ZC3HC1: variants seen among roughly 807,000 people sequenced by gnomAD.
The protein encoded by ZC3HC1 is zinc finger C3HC-type protein 1.
A neutral mutation model predicts 61.9 loss-of-function variants in ZC3HC1; 38 were observed. The ratio of observed to expected loss-of-function variants is 0.61; its 90% CI spans 0.47 to 0.81. The LOEUF (loss-of-function observed/expected upper bound fraction) is 0.81. Ranked by LOEUF, ZC3HC1 falls within the 30% of genes least tolerant of loss-of-function variation. ZC3HC1 has a pLI of 0.00. For missense variants in ZC3HC1, 554 were observed against 622.7 expected (o/e 0.89, Z 1.17); for synonymous variants, 213 against 229.9 (o/e 0.93, Z 0.67).
At chr7:130,027,645 G>A (rs1415983212) in intron 5 of ZC3HC1, among the ~76,000 whole-genome samples, 1 of 152,020 alleles carries the variant, frequency 6.6e-6, no homozygotes, top group Admixed American at 6.6e-5. Flanking sequence ...AGCCTCCCAG[G>A]TAGCTGGGAC....
chr7:130,050,529 G>A, intron 1 of ZC3HC1: 6 of 1,427,538 alleles, frequency 4.2e-6, no homozygotes, highest in Non-Finnish European at 2.7e-6. Context: ...AACTTGGATG[G>A]GTAAAAATGA....
chr7:130,036,076 C>T (rs1794418795), intron 4 of ZC3HC1, among the ~76,000 whole-genome samples: 1 of 151,366 alleles, frequency 6.6e-6, no homozygotes, highest in Non-Finnish European at 1.5e-5. Context: ...AATAGATAAA[C>T]ATTCTAGCTT....
chr7:130,039,678 TA>T (rs1415876459), intron 3 of ZC3HC1, 131 bp from the exon 4 acceptor site: 2 of 614,094 alleles, frequency 3.3e-6, no homozygotes, highest in African/African-American at 3.7e-5. Flanking sequence ...ATCAAGTACA[TA>T]ATCTTAATAT....
rs780801066 is a variant in ZC3HC1 at position 130,018,702 on chromosome 7, G to A, written c.1471C>T (p.Arg491Ter). 11 of 1,612,006 alleles carry A rather than the reference G, an allele frequency of 6.8e-6. No homozygotes were observed. The highest frequency in any genetic ancestry group is 2.2e-5 in the South Asian group (2 of 90,902). Residue 491 changes from arginine to a stop codon, truncating the protein, a stop_gained, in exon 10 of 10, where the codon CGA (arginine) becomes TGA (stop). Transcript: ENST00000358303. LOFTEE classifies it high-confidence loss of function. ...SLSEKSRKVF[R>*]IFRQWESLCS... is the part of the protein sequence containing the mutation. ...AGAGATTCCCACTGCCGAAATATTC[G>A]GAATACTTTCCTTGATTTCTCAGAG...
chr7:130,022,159 G>A (rs1394921157), intron 9 of ZC3HC1, among the ~76,000 whole-genome samples, 160 bp downstream of exon 9: 6 of 152,102 alleles, frequency 3.9e-5, no homozygotes, highest in African/African-American at 1.4e-4. Context: ...CAACAAGAAC[G>A]AGACTCCATC....
intron 4 of ZC3HC1, among the ~76,000 whole-genome samples, chr7:130,038,743 C>A (rs1418716162): frequency 6.6e-6 from 1 of 151,434 alleles, no homozygotes; most frequent in African/African-American, 2.4e-5. Flanking sequence ...ACCTGTAATC[C>A]CAGCTACTCG....
chr7:130,032,668 T>TGGAAGCAA (rs1794250410), intron 4 of ZC3HC1, among the ~76,000 whole-genome samples: 1 of 58,008 alleles, frequency 1.7e-5, no homozygotes, highest in Admixed American at 2.5e-4. Context: ...ATAGAAGAAA[T>TGGAAGCAA]GGAAGGAAGG....
chr7:130,035,774 G>A lies in ZC3HC1; in HGVS notation c.493+3690C>T, dbSNP rs142393485. ...TGGAATCACAGGTGTGAGCCATCACGCCTCGCCACTTTGCCTTTTTTCTTG... is the reference window on the plus strand; with the variant it reads ...TGGAATCACAGGTGTGAGCCATCACACCTCGCCACTTTGCCTTTTTTCTTG... On this transcript the variant is annotated intron_variant, in intron 4 of 9. Coordinates refer to ENST00000358303, the MANE Select transcript of ZC3HC1 (RefSeq NM_016478.5). 5.0e-3 allele frequency among the ~76,000 whole-genome samples: 765 copies of A among 152,242 alleles called. 3 individuals carry two copies. Among genetic ancestry groups the A allele is most frequent in the Non-Finnish European group, 7.0e-3 (478 of 68,022 alleles).
At chr7:130,024,213 T>C in intron 7 of ZC3HC1, 50 bp downstream of exon 7, 2 of 1,538,052 alleles carry the variant, frequency 1.3e-6, no homozygotes, top group East Asian at 2.3e-5. Flanking sequence ...AACAACACTT[T>C]TGCCAAGAAT....
intron 9 of ZC3HC1, among the ~76,000 whole-genome samples, chr7:130,019,574 T>C (rs1236384843): frequency 6.6e-6 from 1 of 152,150 alleles, no homozygotes; most frequent in African/African-American, 2.4e-5. Context: ...CGCAGTGCCA[T>C]CTGATCATGC....
At chr7:130,049,198 A>G in intron 1 of ZC3HC1, 54 bp from the exon 2 acceptor site, 2 of 1,322,928 alleles carry the variant, frequency 1.5e-6, no homozygotes, top group South Asian at 1.5e-5. Context: ...CCTCTGCTTA[A>G]ATGTTATCTA....
chr7:130,034,573 T>C (rs1794357178), intron 4 of ZC3HC1, among the ~76,000 whole-genome samples: 1 of 149,702 alleles, frequency 6.7e-6, no homozygotes, highest in African/African-American at 2.5e-5. Flanking sequence ...TAGCTCACTA[T>C]AACTTGGAAT....
At chr7:130,050,343 G>A (rs1795028999) in intron 1 of ZC3HC1, 4 of 1,334,194 alleles carry the variant, frequency 3.0e-6, no homozygotes, top group East Asian at 2.6e-5. Context: ...TCCTCAAAGT[G>A]CTGGGATTAT....
At chr7:130,024,227 G>T (rs1443407604) in intron 7 of ZC3HC1, 36 bp downstream of exon 7, 1 of 1,548,080 alleles carries the variant, frequency 6.5e-7, no homozygotes, top group Non-Finnish European at 8.7e-7. Context: ...CAAGAATGTT[G>T]TTTAAAATTC....
chr7:130,039,280 G>A (rs904672929), intron 4 of ZC3HC1, 184 bp downstream of exon 4: 7 of 585,170 alleles, frequency 1.2e-5, no homozygotes, highest in Non-Finnish European at 2.1e-5. Context: ...GGAGGCGAAG[G>A]TTGCAGTGAG....
At chr7:130,020,564 G>C (rs1031277824) in intron 9 of ZC3HC1, among the ~76,000 whole-genome samples, 1 of 151,776 alleles carries the variant, frequency 6.6e-6, no homozygotes, top group Non-Finnish European at 1.5e-5. Flanking sequence ...GCCTGGCCTC[G>C]GTATATACTT....
Position 130,028,996 on chromosome 7 carries a change from G to C in ZC3HC1, c.527C>G (p.Ala176Gly), listed in dbSNP as rs140212037. ...RFGMLPLDEP[A>G]ILVSEFLDRF... ...ATCTAGGAATTCACTAACAAGAATA[G>C]CAGGCTCATCCAGGGGCAACATCCC... The change falls in exon 5 of 10, where the codon GCT becomes GGT. Residue 176 changes from alanine to glycine, a missense_variant. Transcript: ENST00000358303. The C allele has an allele frequency of 6.6e-5, 106 of 1,613,560 alleles. No homozygotes were observed. The African/African-American group carries it at 1.4e-3, about 21-fold the overall frequency.
At chr7:130,034,231 A>C (rs1431509205) in intron 4 of ZC3HC1, among the ~76,000 whole-genome samples, 1 of 148,818 alleles carries the variant, frequency 6.7e-6, no homozygotes, top group Non-Finnish European at 1.5e-5. Context: ...CAAGCCTGTA[A>C]TCCCAGCACT....
In ZC3HC1 at chr7:130,040,969, C is replaced by G. The variant is rs773354305; in HGVS notation, c.391G>C (p.Ala131Pro). 8.0e-5 allele frequency: 129 copies of G among 1,611,946 alleles called. No homozygotes were observed. Among genetic ancestry groups the G allele is most frequent in the Admixed American group, 1.0e-4 (6 of 59,360 alleles). Reference sequence around the variant, plus strand: ...TACTTACATCTGTCAAAGTCAAAAGCTGGTTGTAAACTGGCACAGAGAAAA... The same window carrying G: ...TACTTACATCTGTCAAAGTCAAAAGGTGGTTGTAAACTGGCACAGAGAAAA... ...QAFLCASLQP[A>P]FDFDRYKQRC... Residue 131 changes from alanine (A) to proline (P), a missense_variant, in exon 3 of 10, where the codon GCT becomes CCT. Transcript: ENST00000358303.
Sources: allele counts gnomAD v4.1 joint callset (sites outside exome capture counted in the v4.1 genomes callset), GRCh38; gene constraint gnomAD v4.1.1; transcripts MANE v1.5; gene names NCBI Gene and HGNC (gene_info 2026-07-23, HGNC 2026-07-21).